Variants in DGKI observed in about 807,000 individuals in gnomAD.
DGKI encodes DAG kinase iota.
A neutral mutation model predicts 147.5 loss-of-function variants in DGKI; 55 were observed. The ratio of observed to expected loss-of-function variants is 0.37; its 90% CI spans 0.30 to 0.47. The LOEUF is 0.47. DGKI is among the 20% of genes least tolerant of loss of function. DGKI has a pLI of 1.00. For missense variants in DGKI, 1,007 were observed against 1,323.8 expected (o/e 0.76, Z 3.71); for synonymous variants, 469 against 477.1 (o/e 0.98, Z 0.22).
intron 28 of DGKI, among the ~76,000 whole-genome samples, chr7:137,436,790 C>CCAA (rs1563018450): frequency 3.7e-4 from 57 of 152,100 alleles, no homozygotes; most frequent in African/African-American, 1.3e-3. Context: ...TGTATAAAGG[C>CCAA]GGTAAATATA....
At chr7:137,807,769 G>A (rs888183786) in intron 1 of DGKI, among the ~76,000 whole-genome samples, 5 of 152,104 alleles carry the variant, frequency 3.3e-5, no homozygotes, top group African/African-American at 9.7e-5. Flanking sequence ...CCCAGGTGCC[G>A]CTGCTGCTGC....
rs1255475887 is a variant in DGKI at position 137,430,073 on chromosome 7, T to G, written c.2761+14004A>C. Among the ~76,000 whole-genome samples the G allele has an allele frequency of 1.1e-4, 13 of 118,164 alleles. 1 individual carries two copies. In the East Asian group the frequency reaches 1.4e-3, roughly 13 times the overall value. 77.5% of individuals were successfully genotyped at this position (118,164 alleles called of 152,430 possible). A position where few individuals can be genotyped will look rare whatever the true frequency, so the allele number is the denominator to read the frequency against. On this transcript the variant is annotated intron_variant, in intron 28 of 32. Transcript: ENST00000614521. Reference sequence around the variant, plus strand: ...TACTGGGTATATACCCAAAGGACTATAAATCATGCTGCTATAAAGACACAT... The same window carrying G: ...TACTGGGTATATACCCAAAGGACTAGAAATCATGCTGCTATAAAGACACAT...
At chr7:137,822,814 G>A (rs1348823320) in intron 1 of DGKI, among the ~76,000 whole-genome samples, 1 of 151,274 alleles carries the variant, frequency 6.6e-6, no homozygotes, top group Non-Finnish European at 1.5e-5. Context: ...AAACAAAAAG[G>A]AACCTCAGAA....
At chr7:137,689,636 T>C (rs1823536291) in intron 2 of DGKI, among the ~76,000 whole-genome samples, 1 of 152,246 alleles carries the variant, frequency 6.6e-6, no homozygotes, top group Non-Finnish European at 1.5e-5. Flanking sequence ...CGAGGTACTT[T>C]TTAATCTTAC....
At chr7:137,664,875 A>C (rs898246979) in intron 3 of DGKI, among the ~76,000 whole-genome samples, 11 of 152,234 alleles carry the variant, frequency 7.2e-5, no homozygotes, top group African/African-American at 2.7e-4. Context: ...GGGAGATAAG[A>C]AACATCAAGA....
chr7:137,638,640 A>ATACACATATATACATATATATG (rs1563126060), intron 6 of DGKI, among the ~76,000 whole-genome samples: 3 of 40,278 alleles, frequency 7.4e-5, no homozygotes, highest in African/African-American at 2.9e-4. Context: ...GTGTGTATAT[A>ATACACATATATACATATATATG]TGTGTATGTA....
intron 21 of DGKI, among the ~76,000 whole-genome samples, chr7:137,503,309 C>G (rs1369632622): frequency 6.6e-6 from 1 of 152,126 alleles, no homozygotes; most frequent in East Asian, 1.9e-4. Context: ...ACAAGAGTAC[C>G]TAGAATTTAA....
At chr7:137,648,265 A>G (rs911083625) in intron 5 of DGKI, among the ~76,000 whole-genome samples, 1 of 152,222 alleles carries the variant, frequency 6.6e-6, no homozygotes, top group Non-Finnish European at 1.5e-5. Context: ...ATGACTATCA[A>G]TTTAAGAAGA....
chr7:137,564,752 A>G (rs1157700060), intron 19 of DGKI, among the ~76,000 whole-genome samples: 1 of 152,218 alleles, frequency 6.6e-6, no homozygotes, highest in African/African-American at 2.4e-5. Flanking sequence ...TAATATTTAA[A>G]CATCATTTAT....
chr7:137,767,784 G>A (rs1011878690), intron 1 of DGKI, among the ~76,000 whole-genome samples: 6 of 152,298 alleles, frequency 3.9e-5, no homozygotes, highest in South Asian at 2.1e-4. Flanking sequence ...CTCAATGTCC[G>A]TATCTGCAAA....
At position 137,804,584 on chromosome 7, in the gene DGKI, G is replaced by A. The variant is rs1320051463; in HGVS notation, c.401+41878C>T. Among the ~76,000 whole-genome samples, 8 of 152,280 alleles carry A rather than the reference G, an allele frequency of 5.3e-5. No homozygotes were observed. The South Asian group carries it at 6.2e-4, about 12-fold the overall frequency. On this transcript the variant is annotated intron_variant, in intron 1 of 32. Transcript: ENST00000614521. ...TGAAGAAAAATAAAAAGATGTAAAC[G>A]TTTTTGGTGTTTGTGTGCTCAGTGT... is the stretch of plus-strand genomic sequence containing the variant.
At chr7:137,424,470 G>A (rs575994250) in intron 28 of DGKI, among the ~76,000 whole-genome samples, 13 of 152,252 alleles carry the variant, frequency 8.5e-5, no homozygotes, top group African/African-American at 2.2e-4. Context: ...CGCAGAAGAC[G>A]GGTGATTTCT....
At chr7:137,527,025 C>T (rs1175704401) in intron 20 of DGKI, among the ~76,000 whole-genome samples, 7 of 152,016 alleles carry the variant, frequency 4.6e-5, no homozygotes, top group Non-Finnish European at 7.4e-5. Context: ...GAGTGATATC[C>T]GTTAATATTA....
chr7:137,456,967 T>C (rs1022613630), intron 27 of DGKI, among the ~76,000 whole-genome samples: 1 of 152,052 alleles, frequency 6.6e-6, no homozygotes, highest in Non-Finnish European at 1.5e-5. Flanking sequence ...CAAAGGCAAA[T>C]CTCTTATTAA....
chr7:137,382,378 T>C lies in DGKI; in HGVS notation c.*8842A>G, dbSNP rs1442793926. The stretch of plus-strand genomic sequence containing the variant: ...AAACTTTATCAGGGACCAGAACAAG[T>C]TTGTGGACAGGCATAATGTATTATA... On this transcript the variant is annotated 3_prime_UTR_variant, in exon 33 of 33. Coordinates refer to ENST00000614521, the MANE Select transcript of DGKI (RefSeq NM_001321708.2). The C allele has an allele frequency of 6.6e-6, 1 of 151,944 alleles. No individual in the cohort carries two copies. Among genetic ancestry groups the C allele is most frequent in the East Asian group, 1.9e-4 (1 of 5,160 alleles). 9.4% of individuals were successfully genotyped at this position (151,944 alleles called of 1,614,324 possible). A position where few individuals can be genotyped will look rare whatever the true frequency, so the allele number is the denominator to read the frequency against.
chr7:137,835,226 T>C (rs1798336878), intron 1 of DGKI, among the ~76,000 whole-genome samples: 1 of 152,200 alleles, frequency 6.6e-6, no homozygotes, highest in South Asian at 2.1e-4. Flanking sequence ...AAAACGTACC[T>C]GTTTGTTAGC....
chr7:137,619,683 C>G, intron 8 of DGKI, 141 bp downstream of exon 8: 1 of 660,510 alleles, frequency 1.5e-6, no homozygotes, highest in South Asian at 1.9e-5. Context: ...ATGGGATGAA[C>G]TGAGGAAGCT....
At chr7:137,400,841 T>C (rs900440865) in intron 30 of DGKI, among the ~76,000 whole-genome samples, 3 of 152,222 alleles carry the variant, frequency 2.0e-5, no homozygotes, top group African/African-American at 7.2e-5. Context: ...CCCATCAACA[T>C]AGATAATCAC....
At chr7:137,551,989 C>T (rs1387890941) in intron 20 of DGKI, among the ~76,000 whole-genome samples, 2 of 152,160 alleles carry the variant, frequency 1.3e-5, no homozygotes, top group Admixed American at 6.6e-5. Flanking sequence ...CTCCAAGCGA[C>T]CTGGGTAAAG....
Sources: gnomAD v4.1 joint callset for allele counts (sites outside exome capture counted in the v4.1 genomes callset) on GRCh38, gnomAD v4.1.1 for gene constraint, MANE v1.5 for transcripts, NCBI Gene and HGNC (gene_info 2026-07-23, HGNC 2026-07-21) for gene names.